Variants in SBF2 observed in about 807,000 individuals in gnomAD.
SBF2 encodes SET binding factor 2.
SBF2 carries 112 observed loss-of-function variants against 225.2 expected under a neutral mutation model. That is an observed-to-expected ratio of 0.50 (90% CI 0.43 to 0.58). The LOEUF (loss-of-function observed/expected upper bound fraction) is 0.58, where lower values mean the gene tolerates loss of function less well. SBF2 is among the 20% of genes least tolerant of loss of function. SBF2 has a pLI of 0.00. For synonymous variants in SBF2, 763 were observed against 773.3 expected, an observed-to-expected ratio of 0.99 and a Z score of 0.22; for missense variants, 1,996 against 2,206.2, an observed-to-expected ratio of 0.90 and a Z score of 1.91.
At position 10,068,710 on chromosome 11, in the gene SBF2, ATAT is replaced by A. The variant is rs544659031; in HGVS notation, c.142-25732_142-25730del. 3.8e-3 allele frequency among the ~76,000 whole-genome samples: 576 copies of A among 152,244 alleles called. 4 individuals carry two copies. Among genetic ancestry groups the A allele is most frequent in the South Asian group, 5.2e-3 (25 of 4,822 alleles). The stretch of plus-strand genomic sequence containing the variant: ...AGCTATTGTATTATCATTATTACTA[ATAT>A]TATTACCGACTCAGCCCCCGTCACC... On this transcript the variant is annotated intron_variant, in intron 2 of 39. Transcript: ENST00000256190.
At chr11:10,037,865 T>C (rs1949507132) in intron 3 of SBF2, among the ~76,000 whole-genome samples, 1 of 152,010 alleles carries the variant, frequency 6.6e-6, no homozygotes, top group Admixed American at 6.6e-5. Context: ...TTTTATACCA[T>C]CTAGAGACGA....
chr11:9,807,250 T>C (rs1201964250), intron 32 of SBF2, among the ~76,000 whole-genome samples: 4 of 152,198 alleles, frequency 2.6e-5, no homozygotes, highest in Non-Finnish European at 5.9e-5. Flanking sequence ...AACCCAATCC[T>C]GACCAAGGCC....
At chr11:10,166,568 G>C (rs987759324) in intron 2 of SBF2, among the ~76,000 whole-genome samples, 3 of 151,978 alleles carry the variant, frequency 2.0e-5, no homozygotes, top group Non-Finnish European at 4.4e-5. Flanking sequence ...AAAATGACTA[G>C]GTCTATGAAT....
intron 26 of SBF2, among the ~76,000 whole-genome samples, chr11:9,833,613 G>A (rs892152110): frequency 7.9e-5 from 12 of 151,568 alleles, no homozygotes; most frequent in Non-Finnish European, 1.3e-4. Context: ...ATAGAGACGG[G>A]GTTTCACCGT....
chr11:9,949,133 G>T (rs1157816518), intron 16 of SBF2, among the ~76,000 whole-genome samples: 2 of 152,144 alleles, frequency 1.3e-5, no homozygotes, highest in East Asian at 3.8e-4. Context: ...GAGAAGAAAG[G>T]TAGAAAGCAC....
rs143203746 is a variant in SBF2 at position 9,811,635 on chromosome 11, T to C, written c.4155+897A>G. ...TAATGAACACAGCATGATACATTTA[T>C]AGCCAAATATTTATGTGGCGGCATT... On this transcript the variant is annotated intron_variant, in intron 30 of 39. Transcript: ENST00000256190. 2.4e-4 allele frequency among the ~76,000 whole-genome samples: 36 copies of C among 152,260 alleles called. No homozygotes were observed. The East Asian group carries it at 6.2e-3, about 26-fold the overall frequency.
At chr11:9,858,096 G>C (rs1279820764) in intron 18 of SBF2, 130 bp downstream of exon 18, 1 of 925,942 alleles carries the variant, frequency 1.1e-6, no homozygotes, top group Non-Finnish European at 1.8e-6. Context: ...AGATATCACA[G>C]GGCTCCCTAA....
intron 26 of SBF2, among the ~76,000 whole-genome samples, chr11:9,837,259 TC>T (rs778093549): frequency 6.6e-6 from 1 of 152,190 alleles, no homozygotes; most frequent in Non-Finnish European, 1.5e-5. Flanking sequence ...TACCCACTGT[TC>T]CACTGTAGAC....
chr11:9,871,025 T>C (rs1230037522), intron 17 of SBF2, among the ~76,000 whole-genome samples: 1 of 143,708 alleles, frequency 7.0e-6, no homozygotes, highest in Non-Finnish European at 1.5e-5. Flanking sequence ...AAATGTAAAA[T>C]GCAAAACTAT....
intron 1 of SBF2, among the ~76,000 whole-genome samples, chr11:10,217,893 A>G (rs940692840): frequency 1.3e-5 from 2 of 152,092 alleles, no homozygotes; most frequent in Non-Finnish European, 2.9e-5. Context: ...AATGAGGAGC[A>G]AAGTCACATC....
intron 2 of SBF2, among the ~76,000 whole-genome samples, chr11:10,107,481 C>T (rs890614446): frequency 3.3e-5 from 5 of 152,072 alleles, no homozygotes; most frequent in African/African-American, 1.2e-4. Flanking sequence ...TTTCACAGGG[C>T]TGCTGTGACA....
intron 16 of SBF2, chr11:9,959,237 C>G (rs1409688564): frequency 3.9e-6 from 3 of 776,162 alleles, no homozygotes; most frequent in African/African-American, 1.7e-5. Flanking sequence ...TTAGTCCCTG[C>G]AATCTTGACT....
intron 2 of SBF2, among the ~76,000 whole-genome samples, chr11:10,068,157 C>T (rs1590879499): frequency 6.6e-6 from 1 of 152,222 alleles, no homozygotes; most frequent in Admixed American, 6.5e-5. Flanking sequence ...AAACTGCCAG[C>T]TGCAAACCTA....
At chr11:9,913,436 C>T (rs1175690293) in intron 16 of SBF2, among the ~76,000 whole-genome samples, 1 of 151,926 alleles carries the variant, frequency 6.6e-6, no homozygotes, top group Non-Finnish European at 1.5e-5. Context: ...GGATGTGAAA[C>T]AATAATGGAG....
At chr11:9,785,366 C>G in intron 36 of SBF2, 48 bp from the exon 37 acceptor site, 1 of 1,255,368 alleles carries the variant, frequency 8.0e-7, no homozygotes, top group Non-Finnish European at 1.1e-6. Flanking sequence ...GACACTTAAA[C>G]TACTGACTGG....
chr11:10,169,753 C>G, intron 2 of SBF2, among the ~76,000 whole-genome samples: 1 of 152,148 alleles, frequency 6.6e-6, no homozygotes, highest in East Asian at 1.9e-4. Context: ...GAGGAACTTC[C>G]AAACTCTTCT....
chr11:9,906,117 C>T (rs758836535), intron 16 of SBF2, among the ~76,000 whole-genome samples: 53 of 152,278 alleles, frequency 3.5e-4, no homozygotes, highest in Non-Finnish European at 5.9e-4. Context: ...CTGCTATGCA[C>T]AAGAATGTCA....
At chr11:9,845,516 C>T in intron 24 of SBF2, 49 bp downstream of exon 24, 1 of 1,532,308 alleles carries the variant, frequency 6.5e-7, no homozygotes, top group Non-Finnish European at 9.0e-7. Flanking sequence ...ACTCCTTTTG[C>T]AATCAATTAC....
chr11:9,913,731 G>T (rs1192280539), intron 16 of SBF2, among the ~76,000 whole-genome samples: 1 of 152,072 alleles, frequency 6.6e-6, no homozygotes. Flanking sequence ...TAAAATGTAG[G>T]AGTGACAGTC....
Sources: allele counts gnomAD v4.1 joint callset (sites outside exome capture counted in the v4.1 genomes callset), GRCh38; gene constraint gnomAD v4.1.1; transcripts MANE v1.5; gene names NCBI Gene and HGNC (gene_info 2026-07-23, HGNC 2026-07-21).